The following TIAM2 variants were observed in gnomAD, a reference collection of about 807,000 sequenced individuals.
The protein encoded by TIAM2 is TIAM Rac1 associated GEF 2, also known as rho guanine nucleotide exchange factor TIAM2.
A neutral mutation model predicts 152.9 loss-of-function variants in TIAM2; 80 were observed. The observed-to-expected ratio is 0.52, with a 90% CI of 0.44 to 0.63. The LOEUF is 0.63. Ranked by LOEUF, TIAM2 falls within the 30% of genes least tolerant of loss-of-function variation. The pLI is 0.00. For missense variants in TIAM2, 1,965 were observed against 2,120.1 expected (o/e 0.93, Z 1.44); for synonymous variants, 804 against 838.0 (o/e 0.96, Z 0.70).
intron 1 of TIAM2, among the ~76,000 whole-genome samples, chr6:155,073,397 A>G (rs1777885659): frequency 6.6e-6 from 1 of 151,948 alleles, no homozygotes; most frequent in South Asian, 2.1e-4. Flanking sequence ...TCCTGACCTC[A>G]AGTGATCCAC....
At chr6:155,164,715 T>TAG (rs1311839893) in intron 8 of TIAM2, 115 bp downstream of exon 8, 9 of 1,290,542 alleles carry the variant, frequency 7.0e-6, no homozygotes, top group Non-Finnish European at 8.5e-6. Flanking sequence ...AACTGACACC[T>TAG]AGAGGCCAGG....
At chr6:155,161,736 G>GC (rs968408734) in intron 7 of TIAM2, among the ~76,000 whole-genome samples, 2,627 of 147,536 alleles carry the variant, frequency 0.018, 34 homozygotes, top group South Asian at 0.028. Flanking sequence ...CCTGGCTAAT[G>GC]TTTTTTTTTT....
At chr6:155,219,124 C>T (rs144592902) in intron 15 of TIAM2, among the ~76,000 whole-genome samples, 92 of 152,090 alleles carry the variant, frequency 6.0e-4, no homozygotes, top group African/African-American at 2.0e-3. Flanking sequence ...CAACTTCTCC[C>T]GAACCGTCCC....
At chr6:155,053,616 A>G (rs1197884075) in intron 1 of TIAM2, among the ~76,000 whole-genome samples, 2 of 152,000 alleles carry the variant, frequency 1.3e-5, no homozygotes, top group Non-Finnish European at 2.9e-5. Context: ...GATTGCAGGC[A>G]TGTGCCACCA....
At chr6:155,246,747 C>T (rs1783360451) in intron 19 of TIAM2, among the ~76,000 whole-genome samples, 1 of 152,212 alleles carries the variant, frequency 6.6e-6, no homozygotes, top group African/African-American at 2.4e-5. Flanking sequence ...ATGGCTTGCT[C>T]CATTCCTCCT....
chr6:155,041,327 A>C (rs11967067), intron 1 of TIAM2, among the ~76,000 whole-genome samples: 4,000 of 152,260 alleles, frequency 0.026, 174 homozygotes, highest in African/African-American at 0.093. Context: ...GTGAATTGAA[A>C]GTTGCTCTAC....
intron 8 of TIAM2, among the ~76,000 whole-genome samples, chr6:155,165,047 CGCT>C (rs1233975705): frequency 6.6e-6 from 1 of 152,130 alleles, no homozygotes; most frequent in Non-Finnish European, 1.5e-5. Flanking sequence ...GTTTTGCTGA[CGCT>C]GCTGCCCACC....
rs1349489886 is a variant in TIAM2, at chr6:155,174,827, T to A, written c.2362-1989T>A. Among the ~76,000 whole-genome samples, 4 of 152,340 alleles carry A rather than the reference T, an allele frequency of 2.6e-5. No individual in the cohort carries two copies. In the East Asian group the frequency reaches 7.7e-4, roughly 29 times the overall value. On this transcript the variant is annotated intron_variant, in intron 9 of 26. Coordinates refer to ENST00000682666, the MANE Select transcript of TIAM2 (RefSeq NM_012454.4). This position sits in a 1 kb window ranked among gnomAD's most constrained non-coding sequence, Gnocchi z 4.2. ...GTGCAGCAGTAAATTAATTGCTCTG[T>A]CACCCTCAGTGGGAGCCTGTGACTT...
At chr6:155,025,567 C>G (rs34343773) in intron 1 of TIAM2, among the ~76,000 whole-genome samples, 31,473 of 151,768 alleles carry the variant, frequency 0.21, 3,478 homozygotes, top group Middle Eastern at 0.28. Flanking sequence ...GATCCGCCCA[C>G]CTCAGCCTCC....
chr6:155,023,848 A>C (rs1278523846), intron 1 of TIAM2, among the ~76,000 whole-genome samples: 7 of 152,144 alleles, frequency 4.6e-5, no homozygotes, highest in Non-Finnish European at 8.8e-5. Flanking sequence ...TACATTACTT[A>C]ATTTATCGGG....
chr6:155,063,157 G>A (rs1349008199), intron 1 of TIAM2, among the ~76,000 whole-genome samples: 1 of 151,940 alleles, frequency 6.6e-6, no homozygotes, highest in Non-Finnish European at 1.5e-5. Context: ...TTCAGATTTA[G>A]TGGCAAGGCA....
intron 14 of TIAM2, among the ~76,000 whole-genome samples, chr6:155,202,133 G>T (rs1781484960): frequency 6.6e-6 from 1 of 152,174 alleles, no homozygotes; most frequent in Non-Finnish European, 1.5e-5. Flanking sequence ...CTTTGTTAAT[G>T]GTGCAGTTTG....
At chr6:155,077,180 ATTT>A (rs773101084) in intron 1 of TIAM2, among the ~76,000 whole-genome samples, 2 of 144,814 alleles carry the variant, frequency 1.4e-5, no homozygotes, top group South Asian at 2.2e-4. Flanking sequence ...GTGATAAGTA[ATTT>A]TTTTTTTTTT....
chr6:154,999,201 A>AAATT (rs71021101), intron 1 of TIAM2, among the ~76,000 whole-genome samples: 70,394 of 149,720 alleles, frequency 0.47, 17,976 homozygotes, highest in Non-Finnish European at 0.56. Flanking sequence ...TGCTATAGGA[A>AAATT]AATTAATTAA....
chr6:155,168,336 CA>C (rs1780493903), intron 9 of TIAM2, among the ~76,000 whole-genome samples: 1 of 152,012 alleles, frequency 6.6e-6, no homozygotes, highest in African/African-American at 2.4e-5. Context: ...TGGTTAAAAG[CA>C]TATCAAGAAT....
At chr6:155,193,281 G>A (rs1781253902) in intron 14 of TIAM2, among the ~76,000 whole-genome samples, 3 of 152,160 alleles carry the variant, frequency 2.0e-5, no homozygotes, top group African/African-American at 7.2e-5. Context: ...GCTTGTGCCT[G>A]TAGTCCAAGC....
chr6:155,132,528 T>C (rs1353386117), intron 4 of TIAM2, among the ~76,000 whole-genome samples: 1 of 152,154 alleles, frequency 6.6e-6, no homozygotes, highest in African/African-American at 2.4e-5. Context: ...ATAGTGATTT[T>C]ACTCCTGGAT....
At chr6:155,100,760 A>G (rs1436100526) in intron 2 of TIAM2, among the ~76,000 whole-genome samples, 2 of 152,152 alleles carry the variant, frequency 1.3e-5, no homozygotes, top group African/African-American at 4.8e-5. Context: ...TGATCCTTAC[A>G]ATAGCTTGGG....
At chr6:155,170,366 G>A (rs576871741) in intron 9 of TIAM2, among the ~76,000 whole-genome samples, 9 of 152,196 alleles carry the variant, frequency 5.9e-5, no homozygotes, top group East Asian at 3.9e-4. Flanking sequence ...ATGGTGGCTC[G>A]TGCCTGTAAT....
Sources: gnomAD v4.1 joint callset for allele counts (sites outside exome capture counted in the v4.1 genomes callset) on GRCh38, gnomAD v4.1.1 for gene constraint, Gnocchi (gnomAD v3.1) non-coding constraint, MANE v1.5 for transcripts, NCBI Gene and HGNC (gene_info 2026-07-23, HGNC 2026-07-21) for gene names.